THNSL1: variants seen among roughly 807,000 people sequenced by gnomAD.
THNSL1 encodes the protein threonine synthase-like 1.
In THNSL1, 48 loss-of-function variants were observed where a neutral mutation model predicts 50.4. The observed-to-expected ratio is 0.95, with a 90% CI of 0.76 to 1.21. THNSL1 has a LOEUF of 1.21. Ranked by LOEUF, THNSL1 falls within the 50% of genes most tolerant of loss-of-function variation. THNSL1 has a pLI of 0.00. For missense variants in THNSL1, 896 were observed against 871.7 expected (o/e 1.03, Z -0.35); for synonymous variants, 309 against 306.1 (o/e 1.01, Z -0.10).
chr10:24,967,185 C>T, the THNSL1 span, among the ~76,000 whole-genome samples: 7 of 151,398 alleles, frequency 4.6e-5, no homozygotes, highest in East Asian at 3.9e-4. Flanking sequence ...TGTGTGTGTG[C>T]GTGTGTGTGT....
At chr10:24,986,626 T>G in the THNSL1 span, among the ~76,000 whole-genome samples, 1 of 152,196 alleles carries the variant, frequency 6.6e-6, no homozygotes, top group Non-Finnish European at 1.5e-5. Context: ...AGTTGGGTGA[T>G]GTTTCCATAT....
chr10:24,995,939 C>A, the THNSL1 span: 3 of 1,247,196 alleles, frequency 2.4e-6, no homozygotes, highest in Non-Finnish European at 3.3e-6. Context: ...TTTATAATAT[C>A]CAGATATTTC....
the THNSL1 span, among the ~76,000 whole-genome samples, chr10:24,972,561 G>C: frequency 6.6e-6 from 1 of 151,886 alleles, no homozygotes; most frequent in Non-Finnish European, 1.5e-5. Context: ...TTTGTCCTGG[G>C]AAAGGAAACA....
chr10:24,968,987 G>A, the THNSL1 span, among the ~76,000 whole-genome samples: 1 of 152,164 alleles, frequency 6.6e-6, no homozygotes, highest in Non-Finnish European at 1.5e-5. Context: ...TCTGCCTCCC[G>A]GGTTCAAGTG....
the THNSL1 span, among the ~76,000 whole-genome samples, chr10:25,006,658 T>A: frequency 6.6e-6 from 1 of 152,170 alleles, no homozygotes; most frequent in East Asian, 1.9e-4. Flanking sequence ...CCTCACTGCA[T>A]TAGAACAAGG....
At chr10:25,009,777 T>C in the THNSL1 span, among the ~76,000 whole-genome samples, 3 of 152,144 alleles carry the variant, frequency 2.0e-5, no homozygotes, top group African/African-American at 7.2e-5. Context: ...TAAGATCTGA[T>C]GGTTTTATAA....
rs770856253 is a variant in THNSL1, at chr10:25,023,657, T to C, written c.434T>C (p.Leu145Pro). Residue 145 changes from leucine (L) to proline (P), a missense_variant, in exon 3 of 3, where the codon CTG becomes CCG. Leu to Pro is a moderately conservative substitution (Grantham distance 98). Transcript: ENST00000376356. ...NPMHDASMWH[L>P]KKNGIIVYLD... is the part of the protein sequence containing the mutation. ...ATGCATGATGCTAGCATGTGGCATC[T>C]GAAGAAAAATGGAATAATTGTATAC... The C allele has an allele frequency of 3.1e-6, 5 of 1,614,006 alleles. No individual in the cohort carries two copies. The highest frequency in any genetic ancestry group is 4.2e-6 in the Non-Finnish European group (5 of 1,180,024).
chr10:25,020,973 T>A (rs368627781), intron 1 of THNSL1, among the ~76,000 whole-genome samples: 1 of 152,190 alleles, frequency 6.6e-6, no homozygotes, highest in Non-Finnish European at 1.5e-5. Context: ...TAAAATAAAT[T>A]GATGTTATGG....
chr10:24,976,765 G>T, the THNSL1 span, among the ~76,000 whole-genome samples: 1 of 151,952 alleles, frequency 6.6e-6, no homozygotes, highest in East Asian at 1.9e-4. Flanking sequence ...AAGTGCTGGG[G>T]TTACAGGTGT....
chr10:25,002,260 T>C, the THNSL1 span, among the ~76,000 whole-genome samples: 2 of 152,212 alleles, frequency 1.3e-5, no homozygotes, highest in East Asian at 3.8e-4. Flanking sequence ...CTTGGTTGTT[T>C]CATTACATAC....
chr10:24,977,971 A>C, the THNSL1 span, among the ~76,000 whole-genome samples: 6 of 152,176 alleles, frequency 3.9e-5, no homozygotes, highest in Admixed American at 3.3e-4. Context: ...TTGAGTGCCT[A>C]AGGTAAAGCA....
the THNSL1 span, among the ~76,000 whole-genome samples, chr10:24,968,039 GC>G: frequency 1.3e-5 from 2 of 148,476 alleles, no homozygotes. Context: ...GTGTGTACAG[GC>G]TGCTGGTAGT....
Position 25,025,733 on chromosome 10 carries a change from C to T in THNSL1, c.*278C>T. Reference sequence around the variant, plus strand: ...GGGTGTATCAATTTCCACTCCCACACCCTCACTGTTATGTGGACCAAAATG... The same window carrying T: ...GGGTGTATCAATTTCCACTCCCACATCCTCACTGTTATGTGGACCAAAATG... On this transcript the variant is annotated 3_prime_UTR_variant, in exon 3 of 3. Coordinates refer to ENST00000376356, the MANE Select transcript of THNSL1 (RefSeq NM_024838.5). 1 of 359,140 alleles carries T rather than the reference C, an allele frequency of 2.8e-6. No homozygotes were observed. The highest frequency in any genetic ancestry group is 5.3e-6 in the Non-Finnish European group (1 of 189,388). 22.2% of individuals were successfully genotyped at this position (359,140 alleles called of 1,614,324 possible).
the THNSL1 span, among the ~76,000 whole-genome samples, chr10:24,964,390 G>C: frequency 6.6e-6 from 1 of 152,222 alleles, no homozygotes; most frequent in Non-Finnish European, 1.5e-5. Context: ...GTTTGTGTGT[G>C]TGGGTTCTTT....
chr10:25,022,366 TTA>T (rs1022356464), intron 2 of THNSL1, among the ~76,000 whole-genome samples: 2 of 152,140 alleles, frequency 1.3e-5, no homozygotes, highest in Non-Finnish European at 2.9e-5. Context: ...CCACTGATGA[TTA>T]TAGGGTTAGA....
At chr10:25,007,430 ATTTG>A in the THNSL1 span, among the ~76,000 whole-genome samples, 119 of 150,886 alleles carry the variant, frequency 7.9e-4, 1 homozygote, top group East Asian at 3.9e-4. Context: ...TTATTTATTT[ATTTG>A]TTTGTTTGTT....
the THNSL1 span, among the ~76,000 whole-genome samples, chr10:24,979,942 C>G: frequency 6.6e-6 from 1 of 152,166 alleles, no homozygotes; most frequent in Non-Finnish European, 1.5e-5. Context: ...TGAAACCTCC[C>G]TCTTCCCCCG....
the THNSL1 span, chr10:24,999,680 T>A: frequency 1.2e-6 from 1 of 823,462 alleles, no homozygotes. Context: ...TCATAAAACA[T>A]ACTTACCTGA....
At chr10:24,970,839 C>T in the THNSL1 span, among the ~76,000 whole-genome samples, 1 of 152,102 alleles carries the variant, frequency 6.6e-6, no homozygotes, top group Non-Finnish European at 1.5e-5. Flanking sequence ...GCCTGGCCAA[C>T]ACGGTGAAAC....
Sources: gnomAD v4.1 joint callset for allele counts (sites outside exome capture counted in the v4.1 genomes callset) on GRCh38, gnomAD v4.1.1 for gene constraint, MANE v1.5 for transcripts, NCBI Gene and HGNC (gene_info 2026-07-23, HGNC 2026-07-21) for gene names.